Variants in PTPRQ observed in about 807,000 individuals in gnomAD.
PTPRQ encodes the protein protein tyrosine phosphatase receptor type Q.
In PTPRQ, 199 loss-of-function variants were observed where a neutral mutation model predicts 246.0. The ratio of observed to expected loss-of-function variants is 0.81; its 90% CI spans 0.72 to 0.91. PTPRQ has a LOEUF of 0.91. Ranked by LOEUF, PTPRQ falls within the 40% of genes least tolerant of loss-of-function variation. The pLI is 0.00. For synonymous variants in PTPRQ, 869 were observed against 853.2 expected (o/e 1.02, Z -0.32); for missense variants, 2,624 against 2,528.4 (o/e 1.04, Z -0.81).
At chr12:80,480,360 A>G (rs1231704011) in intron 8 of PTPRQ, among the ~76,000 whole-genome samples, 1 of 152,158 alleles carries the variant, frequency 6.6e-6, no homozygotes, top group Non-Finnish European at 1.5e-5. Context: ...AATATCTGGG[A>G]CGCATTCAAA....
At chr12:80,553,175 C>A (rs993404917) in intron 25 of PTPRQ, among the ~76,000 whole-genome samples, 10 of 152,050 alleles carry the variant, frequency 6.6e-5, no homozygotes, top group Admixed American at 6.6e-5. Context: ...TCCACATTCC[C>A]ATCAGGCAAA....
Position 80,632,176 on chromosome 12 carries a change from T to C in PTPRQ, c.5687-16T>C. On this transcript the variant is annotated splice_polypyrimidine_tract_variant and intron_variant, in intron 33 of 44. Coordinates refer to ENST00000644991, the MANE Select transcript of PTPRQ (RefSeq NM_001145026.2). ...CCATAATAATATTTAATGATCCTGT[T>C]ATCCCTCTTCTCCAGGGGAAGGACT... The C allele has an allele frequency of 1.3e-6, 2 of 1,549,418 alleles. No homozygotes were observed. The highest frequency in any genetic ancestry group is 1.7e-4 in the Middle Eastern group (1 of 5,988).
intron 8 of PTPRQ, among the ~76,000 whole-genome samples, chr12:80,481,652 A>C (rs1894062836): frequency 6.6e-6 from 1 of 152,106 alleles, no homozygotes; most frequent in African/African-American, 2.4e-5. Flanking sequence ...AAATCTCCTT[A>C]ATCTGATAAG....
At chr12:80,549,309 C>T (rs1565779782) in intron 24 of PTPRQ, among the ~76,000 whole-genome samples, 156 bp from the exon 25 acceptor site, 2 of 151,982 alleles carry the variant, frequency 1.3e-5, no homozygotes. Flanking sequence ...TTGATTCTGT[C>T]TATGTTAATG....
At chr12:80,658,179 T>C in intron 39 of PTPRQ, 118 bp downstream of exon 39, 1 of 604,508 alleles carries the variant, frequency 1.7e-6, no homozygotes, top group Non-Finnish European at 2.4e-6. Flanking sequence ...CTTAATATGC[T>C]AGTTATTTAC....
intron 38 of PTPRQ, among the ~76,000 whole-genome samples, chr12:80,653,931 A>G (rs1456058537): frequency 6.6e-6 from 1 of 152,196 alleles, no homozygotes; most frequent in African/African-American, 2.4e-5. Flanking sequence ...GCAACAAAAC[A>G]AATCATAAGT....
intron 17 of PTPRQ, among the ~76,000 whole-genome samples, chr12:80,519,740 A>G (rs1349514408): frequency 2.6e-5 from 4 of 152,202 alleles, no homozygotes; most frequent in Non-Finnish European, 5.9e-5. Context: ...GGTCCTATAC[A>G]TCAAATGATT....
intron 17 of PTPRQ, chr12:80,512,601 T>C (rs1231595026): frequency 6.6e-6 from 1 of 152,230 alleles, no homozygotes; most frequent in Non-Finnish European, 1.5e-5. Flanking sequence ...TGATGTCATA[T>C]AGAACATGAC....
intron 25 of PTPRQ, among the ~76,000 whole-genome samples, chr12:80,575,421 A>AC (rs1198252913): frequency 2.0e-5 from 3 of 151,922 alleles, no homozygotes; most frequent in Non-Finnish European, 4.4e-5. Flanking sequence ...TCCCGTTAGT[A>AC]CAAAAAAAAA....
At chr12:80,655,169 T>G (rs1900391441) in intron 38 of PTPRQ, among the ~76,000 whole-genome samples, 1 of 152,118 alleles carries the variant, frequency 6.6e-6, no homozygotes, top group East Asian at 1.9e-4. Context: ...CCGAGGAGTA[T>G]GACTACCCCA....
chr12:80,446,956 C>T (rs1025857760), intron 3 of PTPRQ, among the ~76,000 whole-genome samples: 13 of 152,048 alleles, frequency 8.5e-5, no homozygotes, highest in South Asian at 2.1e-4. Context: ...GGGTTGAATA[C>T]GGTAGATCTA....
chr12:80,635,925 A>T (rs1899630743), intron 35 of PTPRQ, among the ~76,000 whole-genome samples: 1 of 152,324 alleles, frequency 6.6e-6, no homozygotes, highest in South Asian at 2.1e-4. Flanking sequence ...AAAATATGGC[A>T]TCAAATGTCT....
At chr12:80,575,645 G>T (rs1592674437) in intron 25 of PTPRQ, among the ~76,000 whole-genome samples, 1 of 151,742 alleles carries the variant, frequency 6.6e-6, no homozygotes, top group Non-Finnish European at 1.5e-5. Context: ...TTCGAGACCA[G>T]CCTGGCCAAC....
chr12:80,643,161 GGC>G (rs1246789837), intron 35 of PTPRQ, among the ~76,000 whole-genome samples: 5 of 152,096 alleles, frequency 3.3e-5, no homozygotes, highest in African/African-American at 1.2e-4. Context: ...TACATGGCCA[GGC>G]GCGGTGGCTC....
intron 25 of PTPRQ, among the ~76,000 whole-genome samples, chr12:80,560,390 C>A (rs1040243297): frequency 6.6e-6 from 1 of 152,134 alleles, no homozygotes; most frequent in Non-Finnish European, 1.5e-5. Context: ...CCTAACATGG[C>A]AAAGCTTCAT....
At chr12:80,512,060 A>G (rs1275533556) in intron 17 of PTPRQ, among the ~76,000 whole-genome samples, 1 of 152,234 alleles carries the variant, frequency 6.6e-6, no homozygotes, top group Admixed American at 6.5e-5. Context: ...ATTTGGGAAG[A>G]AAAACTAACA....
At chr12:80,588,585 T>A in intron 26 of PTPRQ, 133 bp downstream of exon 26, 1 of 1,005,480 alleles carries the variant, frequency 9.9e-7, no homozygotes, top group Non-Finnish European at 1.3e-6. Flanking sequence ...CTACCATATA[T>A]AACGACATAT....
At chr12:80,490,853 C>G (rs1266228977) in intron 9 of PTPRQ, among the ~76,000 whole-genome samples, 1 of 151,978 alleles carries the variant, frequency 6.6e-6, no homozygotes, top group Non-Finnish European at 1.5e-5. Flanking sequence ...TCTTTCCCAA[C>G]ATTTTTGCTT....
intron 8 of PTPRQ, among the ~76,000 whole-genome samples, chr12:80,480,090 ACAC>A (rs1285443868): frequency 6.7e-6 from 1 of 150,288 alleles, no homozygotes; most frequent in African/African-American, 2.5e-5. Context: ...GCACCACACC[ACAC>A]CTATTCCAAA....
Sources: gnomAD v4.1 joint callset for allele counts (sites outside exome capture counted in the v4.1 genomes callset) on GRCh38, gnomAD v4.1.1 for gene constraint, MANE v1.5 for transcripts, NCBI Gene and HGNC (gene_info 2026-07-23, HGNC 2026-07-21) for gene names.